The following FAM177B variants were observed in gnomAD, a reference collection of about 807,000 sequenced individuals.
The protein encoded by FAM177B is protein FAM177B.
FAM177B carries 16 observed loss-of-function variants against 16.1 expected under a neutral mutation model. The observed-to-expected ratio is 0.99, with a 90% CI of 0.67 to 1.51. The LOEUF (loss-of-function observed/expected upper bound fraction) is 1.51. Ranked by LOEUF, FAM177B falls within the 40% of genes most tolerant of loss-of-function variation. FAM177B has a pLI of 0.00. For missense variants in FAM177B, 178 were observed against 183.7 expected (o/e 0.97, Z 0.18); for synonymous variants, 56 against 59.9 (o/e 0.93, Z 0.30).
chr1:222,749,752 T>G (rs1465858628), intron 5 of FAM177B, among the ~76,000 whole-genome samples, 169 bp from the exon 6 acceptor site: 1 of 152,192 alleles, frequency 6.6e-6, no homozygotes, highest in African/African-American at 2.4e-5. Context: ...TTTGCCTCAC[T>G]CCTGCGAAGT....
At chr1:222,738,564 C>CAAAAAAAAA (rs71175182) in intron 2 of FAM177B, among the ~76,000 whole-genome samples, 2,449 of 61,318 alleles carry the variant, frequency 0.04, 275 homozygotes, top group African/African-American at 0.11. Flanking sequence ...ACAAAAACTG[C>CAAAAAAAAA]AAAAAAAAAA....
At chr1:222,737,866 G>C (rs1658353263) in intron 1 of FAM177B, 38 bp from the exon 2 acceptor site, 1 of 152,168 alleles carries the variant, frequency 6.6e-6, no homozygotes, top group Non-Finnish European at 1.5e-5. Flanking sequence ...GTAATGAAAA[G>C]TATGATTCCA....
chr1:222,746,917 C>A, intron 3 of FAM177B, 98 bp from the exon 4 acceptor site: 1 of 962,802 alleles, frequency 1.0e-6, no homozygotes, highest in Non-Finnish European at 1.7e-6. Context: ...GAAAATGGAA[C>A]ATATTATATA....
At chr1:222,743,438 G>A (rs1165928420) in intron 2 of FAM177B, among the ~76,000 whole-genome samples, 5 of 152,066 alleles carry the variant, frequency 3.3e-5, no homozygotes, top group African/African-American at 9.7e-5. Flanking sequence ...GATTACAGGC[G>A]TGAGCCACCA....
At chr1:222,742,955 T>C (rs1174826807) in intron 2 of FAM177B, among the ~76,000 whole-genome samples, 1 of 152,196 alleles carries the variant, frequency 6.6e-6, no homozygotes, top group Non-Finnish European at 1.5e-5. Context: ...ATGGAATTCC[T>C]TTTGCACCAA....
chr1:222,749,688 T>C lies in FAM177B; in HGVS notation c.339+126T>C, dbSNP rs145319327. 23 of 733,828 alleles carry C rather than the reference T, an allele frequency of 3.1e-5. No homozygotes were observed. In the African/African-American group the frequency reaches 3.3e-4, roughly 11 times the overall value. 45.5% of individuals were successfully genotyped at this position (733,828 alleles called of 1,614,324 possible). ...GTACTATAATTTCACCAAGCTCCCA[T>C]AGTCAGACTGACTTATTTTTCTAGT... On this transcript the variant is annotated intron_variant, in intron 5 of 5. Transcript: ENST00000445590.
chr1:222,749,659 A>G (rs2068814), intron 5 of FAM177B, 97 bp downstream of exon 5: 507,456 of 761,454 alleles, frequency 0.67, 174,423 homozygotes, highest in East Asian at 0.8. Flanking sequence ...CCACCTGGTC[A>G]TATGTACTAT....
chr1:222,746,247 A>T (rs146298126), intron 2 of FAM177B, among the ~76,000 whole-genome samples: 2 of 152,256 alleles, frequency 1.3e-5, no homozygotes, highest in African/African-American at 2.4e-5. Context: ...TCTGCAGGAT[A>T]GTGACCCCTT....
At chr1:222,744,147 T>C (rs1409684755) in intron 2 of FAM177B, among the ~76,000 whole-genome samples, 1 of 152,214 alleles carries the variant, frequency 6.6e-6, no homozygotes, top group Non-Finnish European at 1.5e-5. Flanking sequence ...TATTGGTTGA[T>C]ATAATTTTAA....
chr1:222,744,467 C>T (rs1298734911), intron 2 of FAM177B, among the ~76,000 whole-genome samples: 6 of 138,914 alleles, frequency 4.3e-5, no homozygotes, highest in Non-Finnish European at 9.2e-5. Context: ...AGTGAAACTC[C>T]ATCTCAAAAA....
Position 222,740,246 on chromosome 1 carries a change from C to T in FAM177B, c.-16+2225C>T, listed in dbSNP as rs149083053. Among the ~76,000 whole-genome samples, 226 of 152,232 alleles carry T rather than the reference C, an allele frequency of 1.5e-3. 6 individuals are homozygous for T. In the South Asian group the frequency reaches 0.021, roughly 14 times the overall value. On this transcript the variant is annotated intron_variant, in intron 2 of 5. Transcript: ENST00000445590. ...TTATTTTTATATATATAAGCATATG[C>T]ATATATGAATATATATGTGTGTATA...
chr1:222,750,388 G>T lies in FAM177B; in HGVS notation c.*330G>T. 1 of 1,046,204 alleles carries T rather than the reference G, an allele frequency of 9.6e-7. No individual in the cohort carries two copies. The highest frequency in any genetic ancestry group is 1.1e-6 in the Non-Finnish European group (1 of 870,416). 64.8% of individuals were successfully genotyped at this position (1,046,204 alleles called of 1,614,324 possible). A position where few individuals can be genotyped will look rare whatever the true frequency, so the allele number is the denominator to read the frequency against. ...AATGCCTTAAGGAACTTTGGGACTG[G>T]GAGTTTTTGGCTGAAATCCTCTGTC... On this transcript the variant is annotated 3_prime_UTR_variant, in exon 6 of 6. Transcript: ENST00000445590.
chr1:222,740,101 C>G (rs1658455639), intron 2 of FAM177B, among the ~76,000 whole-genome samples: 1 of 152,188 alleles, frequency 6.6e-6, no homozygotes, highest in African/African-American at 2.4e-5. Context: ...GGTCCCCAAA[C>G]AGGGCAGATA....
chr1:222,743,998 T>C (rs1049447261), intron 2 of FAM177B, among the ~76,000 whole-genome samples: 13 of 151,752 alleles, frequency 8.6e-5, no homozygotes, highest in African/African-American at 2.9e-4. Context: ...CCCCTGCCCC[T>C]CTCTCTCTCA....
At chr1:222,743,759 A>T (rs1342518543) in intron 2 of FAM177B, among the ~76,000 whole-genome samples, 1 of 152,156 alleles carries the variant, frequency 6.6e-6, no homozygotes, top group Non-Finnish European at 1.5e-5. Flanking sequence ...TATTTTATAG[A>T]TAAGATAGTA....
intron 2 of FAM177B, among the ~76,000 whole-genome samples, chr1:222,745,415 C>CCT (rs1205988790): frequency 4.6e-5 from 7 of 151,934 alleles, no homozygotes; most frequent in Non-Finnish European, 1.0e-4. Context: ...AGTTCAAGAC[C>CCT]AGCCTAGGTA....
chr1:222,742,913 T>C (rs1658616529), intron 2 of FAM177B, among the ~76,000 whole-genome samples: 1 of 152,184 alleles, frequency 6.6e-6, no homozygotes, highest in African/African-American at 2.4e-5. Flanking sequence ...CAAAAGTAAT[T>C]GCGGTTTTTC....
chr1:222,746,931 C>T (rs1353534183), intron 3 of FAM177B, 84 bp from the exon 4 acceptor site: 2 of 1,003,840 alleles, frequency 2.0e-6, no homozygotes, highest in Admixed American at 3.5e-5. Context: ...TTATATAGAG[C>T]ATTTTGAAAT....
intron 2 of FAM177B, among the ~76,000 whole-genome samples, chr1:222,738,801 C>G (rs1043913888): frequency 7.9e-5 from 12 of 152,112 alleles, no homozygotes; most frequent in African/African-American, 2.4e-4. Flanking sequence ...CTATTGAGAC[C>G]CCTCTGTGTG....
Sources: gnomAD v4.1 joint callset for allele counts (sites outside exome capture counted in the v4.1 genomes callset) on GRCh38, gnomAD v4.1.1 for gene constraint, MANE v1.5 for transcripts, NCBI Gene and HGNC (gene_info 2026-07-23, HGNC 2026-07-21) for gene names.